CACNA1H: variants seen among roughly 807,000 people sequenced by gnomAD.
CACNA1H encodes voltage-dependent T-type calcium channel subunit alpha-1H.
CACNA1H carries 149 observed loss-of-function variants against 192.5 expected under a neutral mutation model. That is an observed-to-expected ratio of 0.77 (90% CI 0.68 to 0.89). The LOEUF (loss-of-function observed/expected upper bound fraction) is 0.89. Ranked by LOEUF, CACNA1H falls within the 40% of genes least tolerant of loss-of-function variation. The pLI is 0.00. For missense variants in CACNA1H, 4,257 were observed against 3,423.5 expected (o/e 1.24, Z -6.08); for synonymous variants, 2,202 against 1,475.2 (o/e 1.49, Z -11.29).
At chr16:1,195,116 G>T (rs374989989) in intron 3 of CACNA1H, 33 bp downstream of exon 3, 2 of 1,368,862 alleles carry the variant, frequency 1.5e-6, no homozygotes, top group African/African-American at 1.4e-5. Flanking sequence ...GGGAAGGAGC[G>T]TGGGTCGCTA....
At chr16:1,176,317 A>G (rs969687608) in intron 2 of CACNA1H, among the ~76,000 whole-genome samples, 6 of 152,198 alleles carry the variant, frequency 3.9e-5, no homozygotes, top group Non-Finnish European at 8.8e-5. Context: ...CGCAGCAGCA[A>G]TGTCTCGGAG....
rs754154177 is a variant in CACNA1H at position 1,220,089 on chromosome 16, G to T, written c.6157G>T (p.Gly2053Cys). ...KTPVRPVTQG[G>C]SLQSPPRSPR... Reference sequence around the variant, plus strand: ...CCCGGTGAGGCCGGTGACCCAGGGGGGCTCCCTGCAGTCCCCACCACGCTC... The same window carrying T: ...CCCGGTGAGGCCGGTGACCCAGGGGTGCTCCCTGCAGTCCCCACCACGCTC... The change falls in exon 35 of 35, where the codon GGC becomes TGC. Residue 2053 changes from glycine to cysteine, a missense_variant. Transcript: ENST00000348261. The T allele has an allele frequency of 6.8e-7, 1 of 1,462,670 alleles. No homozygotes were observed. Among genetic ancestry groups the T allele is most frequent in the Non-Finnish European group, 9.0e-7 (1 of 1,109,068 alleles). The allele number at this position is 1,462,670 out of a possible 1,614,324, so 90.6% of individuals were successfully genotyped here.
intron 2 of CACNA1H, among the ~76,000 whole-genome samples, chr16:1,187,572 G>A (rs1179940475): frequency 2.0e-5 from 3 of 152,230 alleles, no homozygotes; most frequent in Non-Finnish European, 4.4e-5. Context: ...ACAGCGGGTG[G>A]GGCAGGAACG....
chr16:1,174,616 G>T (rs898250478), intron 2 of CACNA1H, among the ~76,000 whole-genome samples: 3 of 152,134 alleles, frequency 2.0e-5, no homozygotes, highest in African/African-American at 7.2e-5. Flanking sequence ...AGGGGCAGAG[G>T]TACCTTCCAG....
Position 1,210,367 on chromosome 16 carries a change from C to T in CACNA1H, c.3846-3C>T. 1 of 1,533,348 alleles carries T rather than the reference C, an allele frequency of 6.5e-7. No homozygotes were observed. Among genetic ancestry groups the T allele is most frequent in the Non-Finnish European group, 8.8e-7 (1 of 1,139,852 alleles). The allele number at this position is 1,533,348 out of a possible 1,614,324, so 95.0% of individuals were successfully genotyped here. On this transcript the variant is annotated splice_polypyrimidine_tract_variant and splice_region_variant and intron_variant, in intron 18 of 34. Transcript: ENST00000348261. Reference sequence around the variant, plus strand: ...CACCTCTCACCCGCCCCCGCCCACCCAGGTTCCGCGTCTCCTGCCAGAAGG... The same window carrying T: ...CACCTCTCACCCGCCCCCGCCCACCTAGGTTCCGCGTCTCCTGCCAGAAGG...
chr16:1,191,818 G>C (rs569003288), intron 2 of CACNA1H, among the ~76,000 whole-genome samples: 42 of 98,576 alleles, frequency 4.3e-4, no homozygotes, highest in African/African-American at 1.8e-3. Context: ...CGGGGTTTCG[G>C]TGACCCAGCA....
chr16:1,187,760 C>T (rs1437629136), intron 2 of CACNA1H, among the ~76,000 whole-genome samples: 1 of 152,216 alleles, frequency 6.6e-6, no homozygotes, highest in Non-Finnish European at 1.5e-5. Flanking sequence ...CATCCCTTCG[C>T]TGGGCTAGCG....
chr16:1,219,103 C>A lies in CACNA1H; in HGVS notation c.6021C>A (p.Pro2007=). 6.5e-7 allele frequency: 1 copy of A among 1,545,556 alleles called. No individual in the cohort carries two copies. Among genetic ancestry groups the A allele is most frequent in the Non-Finnish European group, 8.7e-7 (1 of 1,144,200 alleles). ...ALSPRGTARS[P]SLSRLLCRQE... is the part of the protein sequence containing the mutation. ...CCCCTCGGGGCACAGCCCGCTCCCC[C>A]AGTCTCAGCCGGCTGCTCTGCAGAC... Residue 2007 remains proline, a synonymous_variant, in exon 34 of 35, where the codon CCC becomes CCA. Coordinates refer to ENST00000348261, the MANE Select transcript of CACNA1H (RefSeq NM_021098.3).
chr16:1,159,235 G>A (rs570524798), intron 2 of CACNA1H, among the ~76,000 whole-genome samples: 23 of 152,276 alleles, frequency 1.5e-4, no homozygotes, highest in South Asian at 6.2e-4. Context: ...CCCTGTGACC[G>A]AGGCATGGTC....
chr16:1,219,901 G>A (rs1051178225), intron 34 of CACNA1H, 80 bp from the exon 35 acceptor site: 3 of 1,129,142 alleles, frequency 2.7e-6, no homozygotes, highest in Admixed American at 4.2e-5. Context: ...GTACCTGGAT[G>A]GTGAGGGGTC....
rs538959856 is a variant in CACNA1H at position 1,204,022 on chromosome 16, C to T, written c.2015C>T (p.Ala672Val). 71 of 1,553,710 alleles carry T rather than the reference C, an allele frequency of 4.6e-5. No individual in the cohort carries two copies. The African/African-American group carries it at 8.3e-4, about 18-fold the overall frequency. The change falls in exon 10 of 35, where the codon GCC (alanine) becomes GTC (valine). Residue 672 changes from alanine to valine, a missense_variant. Coordinates refer to ENST00000348261, the MANE Select transcript of CACNA1H (RefSeq NM_021098.3). Reference sequence around the variant, plus strand: ...CCCTCTCCCGCAGGACTGGGCCAGGCCCCTGGCCATCTGTCGGGCCTCAGT... The same window carrying T: ...CCCTCTCCCGCAGGACTGGGCCAGGTCCCTGGCCATCTGTCGGGCCTCAGT... ...HVVGEHGLGQ[A>V]PGHLSGLSVP...
At position 1,220,107 on chromosome 16, in the gene CACNA1H, C is replaced by T. The variant is rs758516521; in HGVS notation, c.6175C>T (p.Pro2059Ser). 3.4e-6 allele frequency: 5 copies of T among 1,487,284 alleles called. No homozygotes were observed. Among genetic ancestry groups the T allele is most frequent in the Non-Finnish European group, 4.5e-6 (5 of 1,121,104 alleles). The allele number at this position is 1,487,284 out of a possible 1,614,324, so 92.1% of individuals were successfully genotyped here. ...CCAGGGGGGCTCCCTGCAGTCCCCA[C>T]CACGCTCCCCACGGCCCGCCAGCGT... ...VTQGGSLQSPPRSPRPASVRT... is the reference protein window; with the variant it reads ...VTQGGSLQSPSRSPRPASVRT... Residue 2059 changes from proline (P) to serine (S), a missense_variant, in exon 35 of 35, where the codon CCA becomes TCA. Transcript: ENST00000348261.
At chr16:1,216,554 C>T (rs1970043178) in intron 30 of CACNA1H, among the ~76,000 whole-genome samples, 1 of 152,230 alleles carries the variant, frequency 6.6e-6, no homozygotes, top group South Asian at 2.1e-4. Context: ...GAGGTAGCCG[C>T]TGAACAGGGC....
At chr16:1,163,425 C>T (rs570340950) in intron 2 of CACNA1H, among the ~76,000 whole-genome samples, 84 of 152,360 alleles carry the variant, frequency 5.5e-4, no homozygotes, top group African/African-American at 1.8e-3. Context: ...AGTGAGCTGC[C>T]GGCCTGTGCC....
chr16:1,206,004 GC>G, intron 11 of CACNA1H, 99 bp from the exon 12 acceptor site: 1 of 1,151,874 alleles, frequency 8.7e-7, no homozygotes, highest in Non-Finnish European at 1.2e-6. Context: ...TGCAGCACAG[GC>G]CGCTGTGGCT....
rs774465069 is a variant in CACNA1H, at chr16:1,218,427, C to G, written c.5663C>G (p.Pro1888Arg). ...ATCGAGCTGGAGATGGCGCAGGGCC[C>G]CGGGAGTGCACGCCGGGTGGACGCG... is the stretch of plus-strand genomic sequence containing the variant. ...AEIELEMAQG[P>R]GSARRVDADR... The change falls in exon 33 of 35, where the codon CCC (proline) becomes CGC (arginine). Residue 1888 changes from proline to arginine, a missense_variant. By Grantham distance (103) the Pro-to-Arg change is moderately radical. Coordinates refer to ENST00000348261, the MANE Select transcript of CACNA1H (RefSeq NM_021098.3). The G allele has an allele frequency of 1.2e-5, 19 of 1,553,544 alleles. No individual in the cohort carries two copies. In the South Asian group the frequency reaches 1.9e-4, roughly 16 times the overall value.
At position 1,215,319 on chromosome 16, in the gene CACNA1H, C is replaced by T. The variant is rs371121613; in HGVS notation, c.5117C>T (p.Ala1706Val). ...CTGGAGGAGATAGAGATGAGCGCCGCGCTGCCCATCAACCCCACCATCATC... is the reference window on the plus strand; with the variant it reads ...CTGGAGGAGATAGAGATGAGCGCCGTGCTGCCCATCAACCCCACCATCATC... ...ITLEEIEMSA[A>V]LPINPTIIRI... Residue 1706 changes from alanine (A) to valine (V), a missense_variant, in exon 29 of 35, where the codon GCG becomes GTG. By Grantham distance (64) the Ala-to-Val change is moderately conservative. Transcript: ENST00000348261. 67 of 1,611,366 alleles carry T rather than the reference C, an allele frequency of 4.2e-5. No individual in the cohort carries two copies. The highest frequency in any genetic ancestry group is 1.7e-4 in the South Asian group (15 of 90,676).
intron 6 of CACNA1H, among the ~76,000 whole-genome samples, chr16:1,199,656 GTCCCCTCAACCCTCACCCCGGGT>G (rs1177276319): frequency 1.3e-4 from 19 of 146,378 alleles, no homozygotes; most frequent in African/African-American, 4.9e-4. Context: ...TCACCCCGGG[GTCCCCTCAACCCTCACCCCGGGT>G]TCTCCCCTCA....
chr16:1,212,364 G>A lies in CACNA1H; in HGVS notation c.4760-147G>A, dbSNP rs919058556. ...AGACACCCCCAACCCCATCCCCAGC[G>A]CCCAAGAGGCAGGTTCCCCACCGAG... is the stretch of plus-strand genomic sequence containing the variant. On this transcript the variant is annotated intron_variant, in intron 25 of 34. Coordinates refer to ENST00000348261, the MANE Select transcript of CACNA1H (RefSeq NM_021098.3). 105 of 1,015,814 alleles carry A rather than the reference G, an allele frequency of 1.0e-4. 1 individual carries two copies. In the African/African-American group the frequency reaches 1.1e-3, roughly 10 times the overall value. 62.9% of individuals were successfully genotyped at this position (1,015,814 alleles called of 1,614,324 possible).
Sources: allele counts gnomAD v4.1 joint callset (sites outside exome capture counted in the v4.1 genomes callset), GRCh38; gene constraint gnomAD v4.1.1; transcripts MANE v1.5; gene names NCBI Gene and HGNC (gene_info 2026-07-23, HGNC 2026-07-21).